TSTD1: variants seen among roughly 807,000 people sequenced by gnomAD.
TSTD1 encodes the protein thiosulfate sulfurtransferase like domain containing 1.
A neutral mutation model predicts 12.6 loss-of-function variants in TSTD1; 7 were observed. That is an observed-to-expected ratio of 0.55 (90% confidence interval 0.32 to 1.04). The LOEUF (loss-of-function observed/expected upper bound fraction) is 1.04. TSTD1 is among the 50% of genes least tolerant of loss of function. TSTD1 has a pLI of 0.05. For missense variants in TSTD1, 156 were observed against 151.0 expected, an observed-to-expected ratio of 1.03 and a Z score of -0.17; for synonymous variants, 73 against 59.7, an observed-to-expected ratio of 1.22 and a Z score of -1.03.
At position 161,038,806 on chromosome 1, in the gene TSTD1, G is replaced by A. The variant is rs1241613329; in HGVS notation, c.10+74C>T. The A allele has an allele frequency of 1.8e-5, 27 of 1,524,038 alleles. No individual in the cohort carries two copies. The Admixed American group carries it at 4.2e-4, about 24-fold the overall frequency. 94.4% of individuals were successfully genotyped at this position (1,524,038 alleles called of 1,614,324 possible). On this transcript the variant is annotated intron_variant, in intron 1 of 3. Coordinates refer to ENST00000423014, the MANE Select transcript of TSTD1 (RefSeq NM_001113207.2). ...CCCCTCAGCCACGCCCCTTCGCTCC[G>A]CCACCCCACTCCCTGCCACGCCTCA...
At chr1:161,038,853 G>A (rs1017616132) in intron 1 of TSTD1, 27 bp downstream of exon 1, 1 of 1,548,554 alleles carries the variant, frequency 6.5e-7, no homozygotes, top group African/African-American at 1.4e-5. Flanking sequence ...CAAGAGAACC[G>A]CGGCCCCAGG....
At chr1:161,037,892 A>C (rs774479315) in intron 3 of TSTD1, 21 bp downstream of exon 3, 1 of 1,551,780 alleles carries the variant, frequency 6.4e-7, no homozygotes. Flanking sequence ...CCTCCCAGCT[A>C]GCAGCCACAC....
In TSTD1 at chr1:161,037,963, G is replaced by GC; in HGVS notation, c.245dup (p.Lys83GlnfsTer26). The stretch of plus-strand genomic sequence containing the variant: ...GCTGCGTGGCCTGGAGGCCCCGCTT[G>GC]CCCATCTGACAGAAGAAAACGAGAT... On this transcript the variant is annotated frameshift_variant, in exon 3 of 4. Coordinates refer to ENST00000423014, the MANE Select transcript of TSTD1 (RefSeq NM_001113207.2). LOFTEE classifies it high-confidence loss of function. 1 of 1,551,808 alleles carries GC rather than the reference G, an allele frequency of 6.4e-7. No homozygotes were observed. Among genetic ancestry groups the GC allele is most frequent in the East Asian group, 2.4e-5 (1 of 40,922 alleles).
Position 161,037,727 on chromosome 1 carries a change from G to A in TSTD1, c.*48C>T, listed in dbSNP as rs1307776217. On this transcript the variant is annotated 3_prime_UTR_variant, in exon 4 of 4. Transcript: ENST00000423014. The stretch of plus-strand genomic sequence containing the variant: ...CAGCCCGTTCACACCCTTAGTTAAG[G>A]TGGCCATTAAGGGGCCAGGGGGTGG... 6.5e-7 allele frequency: 1 copy of A among 1,545,112 alleles called. No individual in the cohort carries two copies. The highest frequency in any genetic ancestry group is 8.8e-7 in the Non-Finnish European group (1 of 1,141,092).
chr1:161,038,034 AG>A lies in TSTD1; in HGVS notation c.174del (p.Phe59SerfsTer64). On this transcript the variant is annotated frameshift_variant, in exon 3 of 4. Transcript: ENST00000423014. LOFTEE classifies it high-confidence loss of function. ...TTCTCAGCAGAATATAAAGCCTGGAAGGCAGCTGGCTCCATCTGCAGAGCAC... is the reference window on the plus strand; with the variant it reads ...TTCTCAGCAGAATATAAAGCCTGGAAGCAGCTGGCTCCATCTGCAGAGCAC... ...LESALQMEPA[A>X]FQALYSAEKP... The A allele has an allele frequency of 1.9e-6, 3 of 1,551,702 alleles. No homozygotes were observed. The highest frequency in any genetic ancestry group is 2.6e-6 in the Non-Finnish European group (3 of 1,147,018).
chr1:161,038,415 G>T, intron 2 of TSTD1, 136 bp downstream of exon 2: 1 of 1,115,474 alleles, frequency 9.0e-7, no homozygotes, highest in Non-Finnish European at 1.2e-6. Flanking sequence ...TACGGAAGCT[G>T]AGGGCTGGCT....
rs955077934 is a variant in TSTD1 at position 161,037,737 on chromosome 1, A to C, written c.*38T>G. On this transcript the variant is annotated 3_prime_UTR_variant, in exon 4 of 4. Transcript: ENST00000423014. Reference sequence around the variant, plus strand: ...ACACCCTTAGTTAAGGTGGCCATTAAGGGGCCAGGGGGTGGCAATCAGTAA... The same window carrying C: ...ACACCCTTAGTTAAGGTGGCCATTACGGGGCCAGGGGGTGGCAATCAGTAA... 3 of 1,551,240 alleles carry C rather than the reference A, an allele frequency of 1.9e-6. No individual in the cohort carries two copies. The African/African-American group carries it at 4.1e-5, about 21-fold the overall frequency.
intron 1 of TSTD1, 66 bp from the exon 2 acceptor site, chr1:161,038,739 C>G (rs1462738050): frequency 6.6e-7 from 1 of 1,522,634 alleles, no homozygotes; most frequent in Non-Finnish European, 8.9e-7. Flanking sequence ...CATGGCATCC[C>G]CTCACCTGGC....
chr1:161,038,757 C>A, intron 1 of TSTD1, 84 bp from the exon 2 acceptor site: 1 of 1,519,656 alleles, frequency 6.6e-7, no homozygotes, highest in Admixed American at 2.0e-5. Context: ...GGCAGCGCCC[C>A]TCCCGGTAGG....
In TSTD1 at chr1:161,038,238, G is replaced by C. The variant is rs184649896; in HGVS notation, c.134-163C>G. On this transcript the variant is annotated intron_variant, in intron 2 of 3. Transcript: ENST00000423014. ...GAACAGAAACCGACAACTTTTGAAT[G>C]CAAGCCACTCCCTAAGCTGTGAGGA... is the stretch of plus-strand genomic sequence containing the variant. 1.4e-4 allele frequency: 103 copies of C among 757,368 alleles called. No homozygotes were observed. The African/African-American group carries it at 1.6e-3, about 12-fold the overall frequency. The allele number at this position is 757,368 out of a possible 1,614,324, so 46.9% of individuals were successfully genotyped here. A position where few individuals can be genotyped will look rare whatever the true frequency, so the allele number is the denominator to read the frequency against.
Position 161,037,722 on chromosome 1 carries a change from T to A in TSTD1, c.*53A>T. ...CAAGTCAGCCCGTTCACACCCTTAG[T>A]TAAGGTGGCCATTAAGGGGCCAGGG... On this transcript the variant is annotated 3_prime_UTR_variant, in exon 4 of 4. Transcript: ENST00000423014. 6.5e-7 allele frequency: 1 copy of A among 1,543,342 alleles called. No homozygotes were observed. Among genetic ancestry groups the A allele is most frequent in the Admixed American group, 2.0e-5 (1 of 50,988 alleles).
Position 161,038,894 on chromosome 1 carries a change from C to G in TSTD1, c.-5G>C, listed in dbSNP as rs1650361021. On this transcript the variant is annotated 5_prime_UTR_variant, in exon 1 of 4. Coordinates refer to ENST00000423014, the MANE Select transcript of TSTD1 (RefSeq NM_001113207.2). ...CCCGCAGGTACCTCCAGCCATGGTG[C>G]GCGTAGCAACCGCGAGTCTCCGGAG... 2 of 1,550,614 alleles carry G rather than the reference C, an allele frequency of 1.3e-6. No homozygotes were observed. Among genetic ancestry groups the G allele is most frequent in the Non-Finnish European group, 1.7e-6 (2 of 1,146,374 alleles).
chr1:161,037,880 C>G, intron 3 of TSTD1, 33 bp downstream of exon 3: 1 of 1,551,774 alleles, frequency 6.4e-7, no homozygotes, highest in Non-Finnish European at 8.7e-7. Context: ...CAGTCCCCAT[C>G]ACCTCCCAGC....
At position 161,038,585 on chromosome 1, in the gene TSTD1, T is replaced by C. The variant is rs1375039073; in HGVS notation, c.99A>G (p.Ala33=). ...TGAGCGCCCCTGGGATGGTCCCAGCTGCCGCCTCCTCGCGAGAGCGCACGT... is the reference window on the plus strand; with the variant it reads ...TGAGCGCCCCTGGGATGGTCCCAGCCGCCGCCTCCTCGCGAGAGCGCACGT... The part of the protein sequence containing the change: ...LFDVRSREEA[A]AGTIPGALNI... The change falls in exon 2 of 4, where the codon GCA becomes GCG. Residue 33 remains alanine, a synonymous_variant. Transcript: ENST00000423014. 6.5e-7 allele frequency: 1 copy of C among 1,549,820 alleles called. No homozygotes were observed. Among genetic ancestry groups the C allele is most frequent in the Admixed American group, 2.0e-5 (1 of 50,960 alleles).
At chr1:161,037,849 G>C (rs1450656523) in intron 3 of TSTD1, 23 bp from the exon 4 acceptor site, 1 of 1,551,808 alleles carries the variant, frequency 6.4e-7, no homozygotes, top group Admixed American at 2.0e-5. Flanking sequence ...AGAAGCGTGA[G>C]AGACTGACAG....
rs1557902776 is a variant in TSTD1 at position 161,038,549 on chromosome 1, A to G, written c.133+2T>C. 1 of 1,530,522 alleles carries G rather than the reference A, an allele frequency of 6.5e-7. No individual in the cohort carries two copies. The highest frequency in any genetic ancestry group is 1.4e-5 in the African/African-American group (1 of 72,274). The allele number at this position is 1,530,522 out of a possible 1,614,324, so 94.8% of individuals were successfully genotyped here. ...CCTGGGCGTCCCCTCTCCACCCTAT[A>G]CCCGGGATGTTGAGCGCCCCTGGGA... On this transcript the variant is annotated splice_donor_variant, in intron 2 of 3. Transcript: ENST00000423014. LOFTEE classifies it high-confidence loss of function.
At position 161,038,642 on chromosome 1, in the gene TSTD1, T is replaced by A; in HGVS notation, c.42A>T (p.Ser14=). 6.5e-7 allele frequency: 1 copy of A among 1,548,942 alleles called. No homozygotes were observed. Among genetic ancestry groups the A allele is most frequent in the South Asian group, 1.2e-5 (1 of 83,980 alleles). ...GCCGGGCCCGTCCGGAGGCTAGGAG[T>A]GAACGGAGTTCAGGAAGCGAGACCG... ...APTVSLPELR[S]LLASGRARLF... The change falls in exon 2 of 4, where the codon TCA becomes TCT. Residue 14 remains serine, a synonymous_variant. Coordinates refer to ENST00000423014, the MANE Select transcript of TSTD1 (RefSeq NM_001113207.2).
chr1:161,038,323 GC>G, intron 2 of TSTD1: 1 of 681,462 alleles, frequency 1.5e-6, no homozygotes, highest in Non-Finnish European at 2.4e-6. Context: ...AAGCTGGTCT[GC>G]CCCTCTCCTC....
Position 161,037,880 on chromosome 1 carries a change from C to T in TSTD1, c.296+33G>A, listed in dbSNP as rs770814857. On this transcript the variant is annotated intron_variant, in intron 3 of 3. Coordinates refer to ENST00000423014, the MANE Select transcript of TSTD1 (RefSeq NM_001113207.2). ...GACAGGAATGACAGGCAGTCCCCAT[C>T]ACCTCCCAGCTAGCAGCCACACCTC... The T allele has an allele frequency of 3.6e-5, 56 of 1,551,656 alleles. No individual in the cohort carries two copies. The Middle Eastern group carries it at 6.7e-4, about 18-fold the overall frequency.
Sources: allele counts gnomAD v4.1 joint callset, GRCh38; gene constraint gnomAD v4.1.1; transcripts MANE v1.5; gene names NCBI Gene and HGNC (gene_info 2026-07-23, HGNC 2026-07-21).